PDCD10: variants seen among roughly 807,000 people sequenced by gnomAD.
PDCD10 encodes the protein programmed cell death 10, also known as programmed cell death protein 10.
Under a neutral mutation model 29.2 loss-of-function variants are expected in PDCD10, and 4 were observed. That is an observed-to-expected ratio of 0.14 (90% confidence interval 0.07 to 0.31). The LOEUF (loss-of-function observed/expected upper bound fraction) is 0.31, where lower values mean the gene tolerates loss of function less well. Among genes scored for constraint, PDCD10 ranks in the 10% least tolerant of loss-of-function variants. PDCD10 has a pLI of 1.00. For missense variants in PDCD10, 183 were observed against 257.9 expected, an observed-to-expected ratio of 0.71 and a Z score of 1.99; for synonymous variants, 70 against 82.2, an observed-to-expected ratio of 0.85 and a Z score of 0.80.
At chr3:167,716,237 T>C (rs1722997476) in intron 3 of PDCD10, among the ~76,000 whole-genome samples, 1 of 151,786 alleles carries the variant, frequency 6.6e-6, no homozygotes, top group Admixed American at 6.6e-5. Context: ...CTCATGGAGA[T>C]AGAGAGATGG....
intron 2 of PDCD10, among the ~76,000 whole-genome samples, chr3:167,722,393 A>C (rs1447698707): frequency 6.6e-6 from 1 of 152,224 alleles, no homozygotes; most frequent in African/African-American, 2.4e-5. Flanking sequence ...TGTGGTGCGC[A>C]CAAAAGGGAG....
In PDCD10 at chr3:167,683,860, T is replaced by C. The variant is rs559554605; in HGVS notation, c.*448A>G. ...CTGTTCATATATATATATATATATA[T>C]ATATATACACACATATATATATGCA... On this transcript the variant is annotated 3_prime_UTR_variant, in exon 9 of 9. Transcript: ENST00000392750. 1.2e-3 allele frequency: 172 copies of C among 149,116 alleles called. 1 individual carries two copies. The highest frequency in any genetic ancestry group is 2.0e-3 in the Non-Finnish European group (135 of 67,626). 9.2% of individuals were successfully genotyped at this position (149,116 alleles called of 1,614,324 possible).
chr3:167,703,305 G>A (rs1721632293), intron 4 of PDCD10, among the ~76,000 whole-genome samples: 1 of 152,018 alleles, frequency 6.6e-6, no homozygotes. Flanking sequence ...TTATGGTGTT[G>A]CTTCATTAAC....
intron 4 of PDCD10, among the ~76,000 whole-genome samples, chr3:167,699,838 A>G (rs905407619): frequency 6.6e-6 from 1 of 152,228 alleles, no homozygotes; most frequent in East Asian, 1.9e-4. Flanking sequence ...ACTTTTCAAT[A>G]AATATATAGG....
rs138508613 is a variant in PDCD10, at chr3:167,711,120, G to A, written c.97-6225C>T. On this transcript the variant is annotated intron_variant, in intron 3 of 8. Coordinates refer to ENST00000392750, the MANE Select transcript of PDCD10 (RefSeq NM_007217.4). ...AACTCTTCAATGACCAGACACCAAC[G>A]AACATCCAGAAGCATCAAGACCATC... Among the ~76,000 whole-genome samples the A allele has an allele frequency of 3.4e-4, 51 of 152,166 alleles. No individual in the cohort carries two copies. The East Asian group carries it at 3.9e-3, about 12-fold the overall frequency.
chr3:167,718,423 G>A, intron 3 of PDCD10, among the ~76,000 whole-genome samples: 1 of 151,992 alleles, frequency 6.6e-6, no homozygotes, highest in Non-Finnish European at 1.5e-5. Flanking sequence ...TTAATTACTG[G>A]TGTTGGCTAC....
intron 3 of PDCD10, among the ~76,000 whole-genome samples, chr3:167,710,850 G>C (rs1365092381): frequency 6.6e-6 from 1 of 152,216 alleles, no homozygotes; most frequent in Non-Finnish European, 1.5e-5. Context: ...TCAGCACAGA[G>C]AGACAGAAAG....
intron 1 of PDCD10, 143 bp downstream of exon 1, chr3:167,734,519 T>C (rs989654715): frequency 2.6e-5 from 4 of 152,184 alleles, no homozygotes; most frequent in Non-Finnish European, 4.4e-5. Context: ...CCCTGTCCCC[T>C]CTCCCGGGGC....
chr3:167,718,242 T>G (rs1481415136), intron 3 of PDCD10, among the ~76,000 whole-genome samples: 1 of 152,116 alleles, frequency 6.6e-6, no homozygotes, highest in Non-Finnish European at 1.5e-5. Context: ...TCCGAATAGA[T>G]TCTTAAGAAC....
chr3:167,725,594 T>C (rs1724034064), intron 2 of PDCD10: 1 of 151,796 alleles, frequency 6.6e-6, no homozygotes, highest in African/African-American at 2.4e-5. Context: ...ACATCTTCTA[T>C]AATTCAATGT....
At chr3:167,697,602 T>C (rs186295139) in intron 4 of PDCD10, among the ~76,000 whole-genome samples, 2 of 152,312 alleles carry the variant, frequency 1.3e-5, no homozygotes, top group East Asian at 1.9e-4. Flanking sequence ...CAAAAAAGGA[T>C]TTATTTTGAA....
chr3:167,691,945 A>T (rs994542535), intron 6 of PDCD10, among the ~76,000 whole-genome samples: 4 of 152,234 alleles, frequency 2.6e-5, no homozygotes, highest in Non-Finnish European at 5.9e-5. Context: ...TAAAGTGATT[A>T]AAATAGTGCT....
intron 2 of PDCD10, among the ~76,000 whole-genome samples, chr3:167,732,051 T>G (rs1457753758): frequency 2.6e-5 from 4 of 152,180 alleles, no homozygotes; most frequent in Non-Finnish European, 2.9e-5. Context: ...GGAGAAGAGA[T>G]AAATTTTTAG....
In PDCD10 at chr3:167,683,522, G is replaced by A. The variant is rs1035207755; in HGVS notation, c.*786C>T. On this transcript the variant is annotated 3_prime_UTR_variant, in exon 9 of 9. Coordinates refer to ENST00000392750, the MANE Select transcript of PDCD10 (RefSeq NM_007217.4). ...TGGGAAAAAATTGTGCAAAGCTTAT[G>A]AGGGCCCAGTATACGAAAGGCTTAA... 2.6e-5 allele frequency: 4 copies of A among 151,890 alleles called. No individual in the cohort carries two copies. The highest frequency in any genetic ancestry group is 9.7e-5 in the African/African-American group (4 of 41,396). The allele number at this position is 151,890 out of a possible 1,614,324, so 9.4% of individuals were successfully genotyped here.
intron 2 of PDCD10, among the ~76,000 whole-genome samples, chr3:167,723,875 C>A (rs919744451): frequency 7.2e-5 from 11 of 152,022 alleles, no homozygotes; most frequent in African/African-American, 2.4e-4. Context: ...TATAATTTAC[C>A]CCTCATTTTC....
chr3:167,725,741 T>C (rs777998669), intron 2 of PDCD10, among the ~76,000 whole-genome samples: 1 of 141,744 alleles, frequency 7.1e-6, no homozygotes, highest in African/African-American at 2.6e-5. Flanking sequence ...TAAGTGTATA[T>C]AGCACTTTAC....
chr3:167,687,808 C>T (rs1719778706), intron 6 of PDCD10, 115 bp from the exon 7 acceptor site: 1 of 684,888 alleles, frequency 1.5e-6, no homozygotes, highest in Admixed American at 2.2e-5. Context: ...TCACAGTACA[C>T]TCTTAATTAT....
At position 167,707,238 on chromosome 3, in the gene PDCD10, A is replaced by ATTCT. The variant is rs1722065532; in HGVS notation, c.97-2344_97-2343insAGAA. On this transcript the variant is annotated intron_variant, in intron 3 of 8. Transcript: ENST00000392750. The stretch of plus-strand genomic sequence containing the variant: ...CTCCTGGGGAGTTCTCCCACTTAGA[A>ATTCT]GTTTCTTCAGGGTTGGTAACACATG... 1.2e-4 allele frequency among the ~76,000 whole-genome samples: 19 copies of ATTCT among 152,328 alleles called. No homozygotes were observed. The South Asian group carries it at 3.9e-3, about 32-fold the overall frequency.
chr3:167,692,661 G>A (rs982958525), intron 6 of PDCD10, among the ~76,000 whole-genome samples: 5 of 152,242 alleles, frequency 3.3e-5, no homozygotes, highest in Admixed American at 2.0e-4. Flanking sequence ...GCTCACACCT[G>A]TAATCCCAGC....
Sources: gnomAD v4.1 joint callset for allele counts (sites outside exome capture counted in the v4.1 genomes callset) on GRCh38, gnomAD v4.1.1 for gene constraint, MANE v1.5 for transcripts, NCBI Gene and HGNC (gene_info 2026-07-23, HGNC 2026-07-21) for gene names.